The following SLC39A1 variants were observed in gnomAD, a reference collection of about 807,000 sequenced individuals.
The protein encoded by SLC39A1 is solute carrier family 39 member 1.
Under a neutral mutation model 21.4 loss-of-function variants are expected in SLC39A1, and 17 were observed. That is an observed-to-expected ratio of 0.79 (90% CI 0.54 to 1.19). SLC39A1 has a LOEUF of 1.19. SLC39A1 is among the 50% of genes most tolerant of loss of function. SLC39A1 has a pLI of 0.00. For missense variants in SLC39A1, 343 were observed against 399.8 expected (o/e 0.86, Z 1.21); for synonymous variants, 183 against 185.9 (o/e 0.98, Z 0.13).
At chr1:153,961,711 G>A (rs905707649) in intron 3 of SLC39A1, among the ~76,000 whole-genome samples, 1 of 152,182 alleles carries the variant, frequency 6.6e-6, no homozygotes, top group Non-Finnish European at 1.5e-5. Flanking sequence ...AGCCCAGGAT[G>A]ACTTTCCTGC....
Position 153,962,259 on chromosome 1 carries a change from C to G in SLC39A1, c.279G>C (p.Leu93=). 6.2e-7 allele frequency: 1 copy of G among 1,614,118 alleles called. No individual in the cohort carries two copies. The highest frequency in any genetic ancestry group is 8.5e-7 in the Non-Finnish European group (1 of 1,180,012). ...CTGCCAGGGCCTCATCTATGGCAGC[C>G]AGGTAGTCAGGCAGCAGGTCCAGGA... The part of the protein sequence containing the change: ...TCLLDLLPDY[L]AAIDEALAAL... The change falls in exon 3 of 4, where the codon CTG becomes CTC. Residue 93 remains leucine, a synonymous_variant. Transcript: ENST00000356205.
rs1483036494 is a variant in SLC39A1 at position 153,962,676 on chromosome 1, G to A, written c.40C>T (p.Pro14Ser). 1.9e-6 allele frequency: 3 copies of A among 1,609,742 alleles called. No individual in the cohort carries two copies. The highest frequency in any genetic ancestry group is 2.5e-6 in the Non-Finnish European group (3 of 1,178,254). ...WGEPELLVWRPEAVASEPPVP... is the reference protein window; with the variant it reads ...WGEPELLVWRSEAVASEPPVP... ...GGAGGCTCTGAAGCTACCGCCTCGG[G>A]GCGCCACACCAGGAGCTCTGGCTCT... Residue 14 changes from proline (P) to serine (S), a missense_variant, in exon 2 of 4, where the codon CCC (proline) becomes TCC (serine). Transcript: ENST00000356205.
At chr1:153,964,508 A>T (rs374595749), upstream of SLC39A1, 5 of 152,294 alleles carry the variant, frequency 3.3e-5, no homozygotes, top group African/African-American at 9.6e-5. Flanking sequence ...TTCATTGCCT[A>T]AAGAAGGGAC....
intron 1 of SLC39A1, 39 bp from the exon 2 acceptor site, chr1:153,962,786 A>C (rs1243720723): frequency 8.5e-6 from 12 of 1,414,356 alleles, no homozygotes; most frequent in Non-Finnish European, 1.0e-5. Context: ...AAAATCATGC[A>C]AAGGAAGATG....
Position 153,960,522 on chromosome 1 carries a change from A to G in SLC39A1, c.551T>C (p.Val184Ala), listed in dbSNP as rs1309790417. The change falls in exon 4 of 4, where the codon GTG (valine) becomes GCG (alanine). Residue 184 changes from valine (V) to alanine (A), a missense_variant. By Grantham distance (64) the Val-to-Ala change is moderately conservative. Transcript: ENST00000356205. Reference protein sequence around the residue: ...TPSALRACVLVFSLALHSVFE... With the variant: ...TPSALRACVLAFSLALHSVFE... The stretch of plus-strand genomic sequence containing the variant: ...CACGGAGTGGAGGGCCAGGGAGAAC[A>G]CCAGTACACAGGCACGCAAGGCTGA... 1 of 1,613,754 alleles carries G rather than the reference A, an allele frequency of 6.2e-7. No individual in the cohort carries two copies. Among genetic ancestry groups the G allele is most frequent in the East Asian group, 2.2e-5 (1 of 44,882 alleles).
Position 153,960,703 on chromosome 1 carries a change from G to A in SLC39A1, c.370C>T (p.Leu124=). Residue 124 remains leucine (L), a synonymous_variant, in exon 4 of 4, where the codon CTG becomes TTG. Transcript: ENST00000356205. The stretch of plus-strand genomic sequence containing the variant: ...GCCAGTGTGATCTGCTCCATCACCA[G>A]GACCAGGAAGAAGCCCATGGCCAGG... ...FILAMGFFLV[L]VMEQITLAYK... 1 of 1,613,696 alleles carries A rather than the reference G, an allele frequency of 6.2e-7. No individual in the cohort carries two copies. The highest frequency in any genetic ancestry group is 8.5e-7 in the Non-Finnish European group (1 of 1,180,038).
rs201334475 is a variant in SLC39A1 at position 153,962,295 on chromosome 1, C to A, written c.243G>T (p.Leu81Phe). The change falls in exon 3 of 4, where the codon TTG becomes TTT. Residue 81 changes from leucine (L) to phenylalanine (F), a missense_variant. Leu to Phe is a conservative substitution (Grantham distance 22). Transcript: ENST00000356205. ...GCAGCAGGTCCAGGAGACAAGTGGC[C>A]AAAAAGACGCCCCCCGCGAAACAGC... ...LVSCFAGGVF[L>F]ATCLLDLLPD... 8.7e-6 allele frequency: 14 copies of A among 1,614,080 alleles called. No homozygotes were observed. The highest frequency in any genetic ancestry group is 1.2e-5 in the Non-Finnish European group (14 of 1,180,018).
At position 153,959,553 on chromosome 1, in the gene SLC39A1, A is replaced by G. The variant is rs927221412; in HGVS notation, c.*545T>C. The G allele has an allele frequency of 2.9e-6, 1 of 339,616 alleles. No homozygotes were observed. Among genetic ancestry groups the G allele is most frequent in the African/African-American group, 2.1e-5 (1 of 47,548 alleles). The allele number at this position is 339,616 out of a possible 1,614,324, so 21.0% of individuals were successfully genotyped here. On this transcript the variant is annotated 3_prime_UTR_variant, in exon 4 of 4. Transcript: ENST00000356205. ...AAAATAGAGGAGTAAGCAGGACTGG[A>G]GAGGCCAGAGAAGATACCAAAATTG...
At chr1:153,961,171 G>A (rs1176252277) in intron 3 of SLC39A1, among the ~76,000 whole-genome samples, 1 of 152,152 alleles carries the variant, frequency 6.6e-6, no homozygotes, top group Admixed American at 6.5e-5. Context: ...AGCTACTCAG[G>A]AGTCTGAGCC....
rs200853572 is a variant in SLC39A1, at chr1:153,962,762, C to T, written c.-32-15G>A. On this transcript the variant is annotated splice_polypyrimidine_tract_variant and intron_variant, in intron 1 of 3. Coordinates refer to ENST00000356205, the MANE Select transcript of SLC39A1 (RefSeq NM_001271958.2). ...GACTCTCAGACCTAGGAAGACAGAC[C>T]AGAGTGGTTGGGAAAAATCATGCAA... 323 of 1,468,644 alleles carry T rather than the reference C, an allele frequency of 2.2e-4. No homozygotes were observed. In the African/African-American group the frequency reaches 3.7e-3, roughly 17 times the overall value. 91.0% of individuals were successfully genotyped at this position (1,468,644 alleles called of 1,614,324 possible).
rs1158076984 is a variant in SLC39A1, at chr1:153,963,494, C to A, written c.-33+1G>T. On this transcript the variant is annotated splice_donor_variant, in intron 1 of 3. Coordinates refer to ENST00000356205, the MANE Select transcript of SLC39A1 (RefSeq NM_001271958.2). LOFTEE classifies it low-confidence loss of function (5UTR_SPLICE). ...CCCGCTGCCAGACAGCCCGCACTCA[C>A]CTCGCGAGGGTCTCACTACATGGTC... is the stretch of plus-strand genomic sequence containing the variant. 6.6e-6 allele frequency: 1 copy of A among 152,354 alleles called. No individual in the cohort carries two copies. Among genetic ancestry groups the A allele is most frequent in the Admixed American group, 6.5e-5 (1 of 15,290 alleles). The allele number at this position is 152,354 out of a possible 1,614,324, so 9.4% of individuals were successfully genotyped here.
intron 1 of SLC39A1, chr1:153,963,103 A>C (rs1571097067): frequency 5.7e-6 from 1 of 175,526 alleles, no homozygotes. Flanking sequence ...CGGGTCCCCA[A>C]CTCCCGAACG....
chr1:153,962,514 AAAG>A lies in SLC39A1; in HGVS notation c.187+12_187+14del. 1 of 1,606,838 alleles carries A rather than the reference AAAG, an allele frequency of 6.2e-7. No individual in the cohort carries two copies. The highest frequency in any genetic ancestry group is 8.5e-7 in the Non-Finnish European group (1 of 1,175,782). The stretch of plus-strand genomic sequence containing the variant: ...CCAAGCATTCATAGCAGTGTGGGGA[AAAG>A]GAGAGGCTTACCTGAGCCTTCATGG... On this transcript the variant is annotated intron_variant, in intron 2 of 3. Transcript: ENST00000356205.
At chr1:153,964,569 A>G (rs1647679070), upstream of SLC39A1, 2 of 152,176 alleles carry the variant, frequency 1.3e-5, no homozygotes, top group South Asian at 4.1e-4. Context: ...AAGAAAAAAA[A>G]AAGGGGGGAC....
chr1:153,967,246 G>A (rs1350138008), upstream of SLC39A1: 6 of 152,242 alleles, frequency 3.9e-5, no homozygotes, highest in African/African-American at 1.4e-4. Flanking sequence ...ACACTGCTCG[G>A]CTTGCGGACG....
rs138614781 is a variant in SLC39A1 at position 153,960,752 on chromosome 1, G to C, written c.321C>G (p.Leu107=). ...GGATGAACTCTTGCAGTGGGAACTG[G>C]AGCTGTGGGCAGAAGCAGCAGCAAA... ...DEALAALHVT[L]QFPLQEFILA... Residue 107 remains leucine, a splice_region_variant and synonymous_variant, in exon 4 of 4, where the codon CTC becomes CTG. Transcript: ENST00000356205. The C allele has an allele frequency of 1.6e-5, 26 of 1,603,956 alleles. No homozygotes were observed. The highest frequency in any genetic ancestry group is 2.0e-5 in the Non-Finnish European group (24 of 1,176,924).
intron 3 of SLC39A1, among the ~76,000 whole-genome samples, chr1:153,961,461 C>T (rs1375694644): frequency 3.9e-5 from 6 of 152,146 alleles, no homozygotes; most frequent in Non-Finnish European, 8.8e-5. Context: ...AAAATATCCC[C>T]AGACATTACC....
intron 3 of SLC39A1, 57 bp from the exon 4 acceptor site, chr1:153,960,811 T>C: frequency 6.5e-7 from 1 of 1,538,970 alleles, no homozygotes; most frequent in South Asian, 1.2e-5. Context: ...ATGCAAAATC[T>C]GGTGAAAGCC....
At chr1:153,964,599 G>C (rs187332937), upstream of SLC39A1, 8 of 152,162 alleles carry the variant, frequency 5.3e-5, no homozygotes, top group East Asian at 1.4e-3. Context: ...CTTCTCACAA[G>C]GCTCCAGAAA....
Sources: allele counts gnomAD v4.1 joint callset (sites outside exome capture counted in the v4.1 genomes callset), GRCh38; gene constraint gnomAD v4.1.1; transcripts MANE v1.5; gene names NCBI Gene and HGNC (gene_info 2026-07-23, HGNC 2026-07-21).